ARHGEF12: variants seen among roughly 807,000 people sequenced by gnomAD.
ARHGEF12 encodes Rho guanine nucleotide exchange factor 12.
In ARHGEF12, 66 loss-of-function variants were observed where a neutral mutation model predicts 211.2. That is an observed-to-expected ratio of 0.31 (90% CI 0.26 to 0.38). The LOEUF is 0.38. ARHGEF12 is among the 10% of genes least tolerant of loss of function. The pLI is 1.00. For missense variants in ARHGEF12, 1,429 were observed against 1,869.5 expected, an observed-to-expected ratio of 0.76 and a Z score of 4.34; for synonymous variants, 592 against 638.4, an observed-to-expected ratio of 0.93 and a Z score of 1.09.
At position 120,465,983 on chromosome 11, in the gene ARHGEF12, ACAG is replaced by A. The variant is rs764993603; in HGVS notation, c.2739+626_2739+628del. The stretch of plus-strand genomic sequence containing the variant: ...ATGGGTTTATCCAGGGAAAAACGTA[ACAG>A]CAGCCACACTCATTGGGGTATATGA... On this transcript the variant is annotated intron_variant, in intron 28 of 40. Transcript: ENST00000397843. Among the ~76,000 whole-genome samples, 403 of 152,354 alleles carry A rather than the reference ACAG, an allele frequency of 2.6e-3. 1 individual carries two copies. The highest frequency in any genetic ancestry group is 4.4e-3 in the Non-Finnish European group (297 of 68,026).
In ARHGEF12 at chr11:120,480,355, C is replaced by T; in HGVS notation, c.4162C>T (p.His1388Tyr). The change falls in exon 38 of 41, where the codon CAT becomes TAT. Residue 1388 changes from histidine (H) to tyrosine (Y), a missense_variant. His to Tyr is a moderately conservative substitution (Grantham distance 83). This residue lies in a region of ARHGEF12 where 467 missense variants were observed against 468.4 expected (regional missense o/e 1.00). Transcript: ENST00000397843. ...GEHFFDAREA[H>Y]SDENPSEGDG... is the part of the protein sequence containing the mutation. ...GCACTTTTTTGATGCCCGTGAAGCACATAGTGATGAGAATCCATCAGAAGG... is the reference window on the plus strand; with the variant it reads ...GCACTTTTTTGATGCCCGTGAAGCATATAGTGATGAGAATCCATCAGAAGG... The T allele has an allele frequency of 6.2e-7, 1 of 1,614,146 alleles. No homozygotes were observed. The highest frequency in any genetic ancestry group is 8.5e-7 in the Non-Finnish European group (1 of 1,180,032).
chr11:120,348,125 A>T (rs188699516), intron 1 of ARHGEF12, among the ~76,000 whole-genome samples: 3 of 152,318 alleles, frequency 2.0e-5, no homozygotes, highest in Admixed American at 2.0e-4. Flanking sequence ...TCCATGTAGG[A>T]ACTACAGTAG....
At chr11:120,459,398 G>A in intron 26 of ARHGEF12, 78 bp downstream of exon 26, 1 of 1,456,382 alleles carries the variant, frequency 6.9e-7, no homozygotes, top group Non-Finnish European at 9.3e-7. Flanking sequence ...TTTTGTAAAT[G>A]TACCCATGTT....
intron 1 of ARHGEF12, among the ~76,000 whole-genome samples, chr11:120,377,904 G>A (rs941634929): frequency 1.3e-5 from 2 of 151,838 alleles, no homozygotes; most frequent in Non-Finnish European, 2.9e-5. Flanking sequence ...GAGTCATATG[G>A]TAAATATATA....
intron 1 of ARHGEF12, among the ~76,000 whole-genome samples, chr11:120,339,131 C>G (rs1942452774): frequency 1.3e-5 from 2 of 150,238 alleles, no homozygotes; most frequent in East Asian, 3.9e-4. Flanking sequence ...GTGCTGCTGC[C>G]TAATTTTACA....
intron 6 of ARHGEF12, among the ~76,000 whole-genome samples, chr11:120,423,289 G>T (rs551182536): frequency 2.0e-5 from 3 of 152,286 alleles, no homozygotes; most frequent in African/African-American, 7.2e-5. Flanking sequence ...CTATTCTCAT[G>T]AGTTCGTTGT....
intron 6 of ARHGEF12, among the ~76,000 whole-genome samples, chr11:120,422,195 C>T (rs1945212654): frequency 6.6e-6 from 1 of 152,188 alleles, no homozygotes; most frequent in Non-Finnish European, 1.5e-5. Flanking sequence ...ATGCTCCCAA[C>T]TCTGCAAGTT....
Position 120,337,169 on chromosome 11 carries a change from G to T in ARHGEF12, c.-75G>T. On this transcript the variant is annotated 5_prime_UTR_variant, in exon 1 of 41. Coordinates refer to ENST00000397843, the MANE Select transcript of ARHGEF12 (RefSeq NM_015313.3). ...TGACGGAGTTGGGCCTGATCCCAGA[G>T]CACTGGGGGTGGGGAGGAGGTGTTA... The T allele has an allele frequency of 6.3e-7, 1 of 1,580,130 alleles. No individual in the cohort carries two copies. The highest frequency in any genetic ancestry group is 1.7e-5 in the Admixed American group (1 of 59,900).
intron 22 of ARHGEF12, among the ~76,000 whole-genome samples, chr11:120,455,288 G>A (rs1222298023): frequency 1.3e-5 from 2 of 152,116 alleles, no homozygotes; most frequent in African/African-American, 4.8e-5. Context: ...TATAGTGAAT[G>A]CTTTTTAAAA....
intron 1 of ARHGEF12, among the ~76,000 whole-genome samples, chr11:120,377,633 CCTTT>C (rs1241161930): frequency 6.6e-6 from 1 of 152,018 alleles, no homozygotes; most frequent in Admixed American, 6.6e-5. Context: ...CTATGCCCAG[CCTTT>C]CTTCTCTTTT....
At chr11:120,472,324 T>G (rs61898762) in intron 30 of ARHGEF12, among the ~76,000 whole-genome samples, 4,282 of 152,228 alleles carry the variant, frequency 0.028, 96 homozygotes, top group South Asian at 0.08. Flanking sequence ...CATATCTGTT[T>G]GCATAGAATT....
At chr11:120,376,527 G>A (rs191432046) in intron 1 of ARHGEF12, among the ~76,000 whole-genome samples, 87 of 151,948 alleles carry the variant, frequency 5.7e-4, no homozygotes, top group African/African-American at 1.9e-3. Flanking sequence ...ATTTTTATGG[G>A]CATAAGTATT....
chr11:120,464,739 G>C (rs1344541407), intron 27 of ARHGEF12: 1 of 153,548 alleles, frequency 6.5e-6, no homozygotes, highest in Non-Finnish European at 1.4e-5. Flanking sequence ...GGGCACAGTG[G>C]CTCACGCCTG....
chr11:120,443,949 C>T (rs1057466326), intron 15 of ARHGEF12, among the ~76,000 whole-genome samples: 8 of 152,252 alleles, frequency 5.3e-5, no homozygotes, highest in South Asian at 4.1e-4. Flanking sequence ...TTTTGTACAA[C>T]GGACTTGAGA....
intron 39 of ARHGEF12, among the ~76,000 whole-genome samples, chr11:120,483,857 G>A (rs1415319627): frequency 2.0e-5 from 3 of 151,724 alleles, no homozygotes; most frequent in African/African-American, 2.4e-5. Flanking sequence ...CTCGTGATCC[G>A]CCTGCCTCGG....
At chr11:120,454,354 A>T (rs1023893270) in intron 22 of ARHGEF12, among the ~76,000 whole-genome samples, 1 of 152,242 alleles carries the variant, frequency 6.6e-6, no homozygotes, top group Non-Finnish European at 1.5e-5. Context: ...CTGATAATAG[A>T]CAAGAACTTA....
At chr11:120,339,996 A>G (rs1240869179) in intron 1 of ARHGEF12, among the ~76,000 whole-genome samples, 1 of 152,190 alleles carries the variant, frequency 6.6e-6, no homozygotes, top group Non-Finnish European at 1.5e-5. Flanking sequence ...CATGGTAGCT[A>G]TTACTTCTAT....
intron 34 of ARHGEF12, 84 bp downstream of exon 34, chr11:120,476,832 T>C: frequency 8.8e-7 from 1 of 1,137,858 alleles, no homozygotes; most frequent in Non-Finnish European, 1.3e-6. Flanking sequence ...ACTTTGTTTT[T>C]ATAATGTATG....
Position 120,421,920 on chromosome 11 carries a change from T to C in ARHGEF12, c.348+68T>C, listed in dbSNP as rs902580447. The C allele has an allele frequency of 3.7e-5, 45 of 1,215,354 alleles. No homozygotes were observed. The South Asian group carries it at 5.6e-4, about 15-fold the overall frequency. 75.3% of individuals were successfully genotyped at this position (1,215,354 alleles called of 1,614,324 possible). ...ACAACATATATTGGTCATATTCTGA[T>C]TTTTTTCACTTGGATTTTTATAAAA... On this transcript the variant is annotated intron_variant, in intron 6 of 40. Transcript: ENST00000397843.
Sources: gnomAD v4.1 joint callset for allele counts (sites outside exome capture counted in the v4.1 genomes callset) on GRCh38, gnomAD v4.1.1 for gene constraint, gnomAD v4.1.1 regional missense constraint, MANE v1.5 for transcripts, NCBI Gene and HGNC (gene_info 2026-07-23, HGNC 2026-07-21) for gene names.